RSRC1: variants seen among roughly 807,000 people sequenced by gnomAD.
The protein encoded by RSRC1 is serine/Arginine-related protein 53.
A neutral mutation model predicts 49.1 loss-of-function variants in RSRC1; 39 were observed. The ratio of observed to expected loss-of-function variants is 0.79; its 90% CI spans 0.61 to 1.04. The LOEUF is 1.04. Ranked by LOEUF, RSRC1 falls within the 50% of genes least tolerant of loss-of-function variation. RSRC1 has a pLI of 0.00. For missense variants in RSRC1, 388 were observed against 402.4 expected (o/e 0.96, Z 0.31); for synonymous variants, 143 against 130.8 (o/e 1.09, Z -0.63).
chr3:158,236,958 G>A (rs1242504776), intron 4 of RSRC1, among the ~76,000 whole-genome samples: 1 of 152,160 alleles, frequency 6.6e-6, no homozygotes, highest in Non-Finnish European at 1.5e-5. Flanking sequence ...TAGAATTGCA[G>A]CAGGTTTCAG....
At chr3:158,530,875 C>A in intron 7 of RSRC1, among the ~76,000 whole-genome samples, 1 of 141,382 alleles carries the variant, frequency 7.1e-6, no homozygotes, top group African/African-American at 2.7e-5. Flanking sequence ...GCACATGTAC[C>A]CTAAAACTTA....
At chr3:158,406,712 A>G (rs1734176142) in intron 6 of RSRC1, among the ~76,000 whole-genome samples, 1 of 152,154 alleles carries the variant, frequency 6.6e-6, no homozygotes, top group Admixed American at 6.6e-5. Context: ...AGCAGCATGC[A>G]TTAGAATCAT....
At chr3:158,116,964 T>C (rs527756369) in intron 1 of RSRC1, among the ~76,000 whole-genome samples, 68 of 152,300 alleles carry the variant, frequency 4.5e-4, no homozygotes, top group African/African-American at 1.6e-3. Context: ...GAGCACACTG[T>C]CGAGTAACTT....
chr3:158,535,379 A>T (rs1347676080), intron 7 of RSRC1, among the ~76,000 whole-genome samples: 1 of 151,468 alleles, frequency 6.6e-6, no homozygotes, highest in African/African-American at 2.4e-5. Context: ...GTACAAATAT[A>T]AAATAAAAGA....
In RSRC1 at chr3:158,438,936, T is replaced by C. The variant is rs916752636; in HGVS notation, c.584-21999T>C. Reference sequence around the variant, plus strand: ...CTACTCATCTGACAAAGGGCTAATATCCAGAATCTACAATGAACTCCAACA... The same window carrying C: ...CTACTCATCTGACAAAGGGCTAATACCCAGAATCTACAATGAACTCCAACA... On this transcript the variant is annotated intron_variant, in intron 6 of 9. Coordinates refer to ENST00000611884, the MANE Select transcript of RSRC1 (RefSeq NM_001271838.2). Among the ~76,000 whole-genome samples the C allele has an allele frequency of 2.2e-4, 34 of 152,114 alleles. 1 individual carries two copies. Among genetic ancestry groups the C allele is most frequent in the African/African-American group, 8.0e-4 (33 of 41,478 alleles).
intron 7 of RSRC1, among the ~76,000 whole-genome samples, chr3:158,474,605 A>T (rs577617566): frequency 6.6e-6 from 1 of 152,210 alleles, no homozygotes; most frequent in Non-Finnish European, 1.5e-5. Context: ...CATTTTATTT[A>T]TCGTAGAACT....
intron 7 of RSRC1, among the ~76,000 whole-genome samples, chr3:158,532,171 TGG>T (rs1712436832): frequency 6.6e-6 from 1 of 151,838 alleles, no homozygotes; most frequent in Non-Finnish European, 1.5e-5. Flanking sequence ...TCAGTAACTG[TGG>T]GGCCAACTGA....
At chr3:158,279,166 G>A (rs371703840) in intron 4 of RSRC1, among the ~76,000 whole-genome samples, 13 of 152,246 alleles carry the variant, frequency 8.5e-5, no homozygotes, top group African/African-American at 2.6e-4. Context: ...TTGAAACTGC[G>A]TTTAGTTATG....
chr3:158,321,805 A>C (rs1010844515), intron 5 of RSRC1, among the ~76,000 whole-genome samples: 21 of 152,108 alleles, frequency 1.4e-4, no homozygotes, highest in Non-Finnish European at 2.8e-4. Flanking sequence ...ACTTATTTCT[A>C]ATAAAATGTA....
chr3:158,207,067 G>A (rs1721380277), intron 4 of RSRC1, among the ~76,000 whole-genome samples: 1 of 152,118 alleles, frequency 6.6e-6, no homozygotes, highest in South Asian at 2.1e-4. Context: ...TTAGGCTTGT[G>A]GTCATAGAGC....
intron 3 of RSRC1, among the ~76,000 whole-genome samples, chr3:158,167,058 A>G (rs1578154768): frequency 6.6e-6 from 1 of 152,170 alleles, no homozygotes; most frequent in East Asian, 1.9e-4. Context: ...TCAGAATTAT[A>G]CATTCTGTAC....
chr3:158,320,790 C>A (rs1162971105), intron 5 of RSRC1, among the ~76,000 whole-genome samples: 1 of 152,078 alleles, frequency 6.6e-6, no homozygotes, highest in Non-Finnish European at 1.5e-5. Flanking sequence ...TTATTCTAGC[C>A]CTTCCCGTCA....
At chr3:158,172,456 A>G (rs1163193754) in intron 3 of RSRC1, among the ~76,000 whole-genome samples, 2 of 152,180 alleles carry the variant, frequency 1.3e-5, no homozygotes, top group Non-Finnish European at 2.9e-5. Flanking sequence ...TTTTTGTGCA[A>G]TTATGAAGAT....
chr3:158,203,477 A>G (rs764962089), intron 4 of RSRC1, among the ~76,000 whole-genome samples: 61 of 152,196 alleles, frequency 4.0e-4, no homozygotes, highest in Non-Finnish European at 1.6e-4. Flanking sequence ...TAATAATATA[A>G]CAATATTGGA....
intron 4 of RSRC1, among the ~76,000 whole-genome samples, chr3:158,287,797 C>G (rs1392977001): frequency 6.6e-6 from 1 of 152,064 alleles, no homozygotes; most frequent in Non-Finnish European, 1.5e-5. Context: ...CATATTGAAG[C>G]TATTATCTTT....
chr3:158,376,504 G>A (rs1368381212), intron 6 of RSRC1, among the ~76,000 whole-genome samples: 1 of 151,840 alleles, frequency 6.6e-6, no homozygotes, highest in Non-Finnish European at 1.5e-5. Context: ...GCAAACTGTG[G>A]GCATCTTGGT....
At chr3:158,306,914 G>A (rs1000977494) in intron 5 of RSRC1, among the ~76,000 whole-genome samples, 1 of 151,666 alleles carries the variant, frequency 6.6e-6, no homozygotes, top group African/African-American at 2.4e-5. Context: ...CAAATGTTGT[G>A]CGTTTATTGA....
In RSRC1 at chr3:158,461,997, G is replaced by GA. The variant is rs3086337; in HGVS notation, c.652+1010dup. On this transcript the variant is annotated intron_variant, in intron 7 of 9. Coordinates refer to ENST00000611884, the MANE Select transcript of RSRC1 (RefSeq NM_001271838.2). ...ATCAGAGCCATCCTCAAAACCAAGC[G>GA]AAAAAAAAAAAAAAAACTGTAGATT... 9.4e-3 allele frequency among the ~76,000 whole-genome samples: 1,124 copies of GA among 119,100 alleles called. 7 individuals carry two copies. Among genetic ancestry groups the GA allele is most frequent in the African/African-American group, 0.022 (773 of 34,686 alleles). The allele number at this position is 119,100 out of a possible 152,430, so 78.1% of individuals were successfully genotyped here.
chr3:158,425,357 C>T (rs1229001600), intron 6 of RSRC1, among the ~76,000 whole-genome samples: 2 of 152,016 alleles, frequency 1.3e-5, no homozygotes, highest in African/African-American at 4.8e-5. Context: ...CATTCAGGAG[C>T]AGGTTGTTCA....
Sources: allele counts gnomAD v4.1 joint callset (sites outside exome capture counted in the v4.1 genomes callset), GRCh38; gene constraint gnomAD v4.1.1; transcripts MANE v1.5; gene names NCBI Gene and HGNC (gene_info 2026-07-23, HGNC 2026-07-21).